Variants in CDH18 observed in about 807,000 individuals in gnomAD.
CDH18 encodes the protein cadherin-18.
In CDH18, 31 loss-of-function variants were observed where a neutral mutation model predicts 67.9. That is an observed-to-expected ratio of 0.46 (90% CI 0.34 to 0.62). The LOEUF is 0.62. Among genes scored for constraint, CDH18 ranks in the 20% least tolerant of loss-of-function variants. The pLI is 0.01. For synonymous variants in CDH18, 362 were observed against 347.2 expected, an observed-to-expected ratio of 1.04 and a Z score of -0.48; for missense variants, 890 against 975.5, an observed-to-expected ratio of 0.91 and a Z score of 1.17.
rs1358646733 is a variant in CDH18 at position 20,231,010 on chromosome 5, C to A, written c.-518+24434G>T. Among the ~76,000 whole-genome samples the A allele has an allele frequency of 1.3e-5, 2 of 152,090 alleles. 1 individual carries two copies. The highest frequency in any genetic ancestry group is 4.1e-4 in the South Asian group (2 of 4,824). ...TTTGCAAGAAGTCTGTCATACAGGG[C>A]CCAACAAGTTATTTGAATTGTATTC... On this transcript the variant is annotated intron_variant, in intron 2 of 14. Coordinates refer to the CDH18 transcript ENST00000507958.
chr5:19,876,628 AT>A (rs1458802268), intron 2 of CDH18, among the ~76,000 whole-genome samples: 1 of 152,028 alleles, frequency 6.6e-6, no homozygotes, highest in Non-Finnish European at 1.5e-5. Context: ...TGCCTTTTAG[AT>A]CCTGACCATT....
intron 10 of CDH18, among the ~76,000 whole-genome samples, chr5:19,512,351 T>C (rs545663203): frequency 2.6e-5 from 4 of 152,292 alleles, no homozygotes; most frequent in Admixed American, 1.3e-4. Context: ...CCATGCTTGG[T>C]TCTTTAAATC....
At chr5:20,572,043 A>T (rs1758848004) in intron 1 of CDH18, among the ~76,000 whole-genome samples, 1 of 152,238 alleles carries the variant, frequency 6.6e-6, no homozygotes, top group Non-Finnish European at 1.5e-5. Flanking sequence ...TTCAAAAGTG[A>T]TAAGGGAAAT....
intron 2 of CDH18, among the ~76,000 whole-genome samples, chr5:19,844,287 G>A (rs1024002162): frequency 3.9e-5 from 6 of 152,106 alleles, no homozygotes; most frequent in African/African-American, 1.4e-4. Flanking sequence ...TTGGGGGAGG[G>A]ACCTCATAGA....
At chr5:19,975,864 A>G (rs925874370) in intron 2 of CDH18, among the ~76,000 whole-genome samples, 1 of 150,428 alleles carries the variant, frequency 6.6e-6, no homozygotes, top group Non-Finnish European at 1.5e-5. Flanking sequence ...CACATCCAGG[A>G]TGCTAATACC....
At chr5:20,233,009 C>T (rs1276031271) in intron 2 of CDH18, among the ~76,000 whole-genome samples, 1 of 151,682 alleles carries the variant, frequency 6.6e-6, no homozygotes, top group Non-Finnish European at 1.5e-5. Flanking sequence ...GAAGTTGAAA[C>T]CTGATTAATC....
At chr5:19,816,294 T>C (rs987228495) in intron 3 of CDH18, among the ~76,000 whole-genome samples, 4 of 151,814 alleles carry the variant, frequency 2.6e-5, no homozygotes, top group Non-Finnish European at 5.9e-5. Context: ...GAGATAAACA[T>C]AGAGTTTCTT....
At chr5:20,106,138 G>A (rs746873628) in intron 2 of CDH18, among the ~76,000 whole-genome samples, 1 of 152,112 alleles carries the variant, frequency 6.6e-6, no homozygotes, top group Non-Finnish European at 1.5e-5. Context: ...GAGAGGTTGT[G>A]TCAACAGTTC....
chr5:19,817,777 T>G (rs541513782), intron 3 of CDH18, among the ~76,000 whole-genome samples: 1 of 152,192 alleles, frequency 6.6e-6, no homozygotes, highest in South Asian at 2.1e-4. Context: ...GAGGTAGACT[T>G]CTTACCCAGG....
chr5:20,293,174 G>A (rs1335712604), intron 1 of CDH18, among the ~76,000 whole-genome samples: 1 of 152,000 alleles, frequency 6.6e-6, no homozygotes, highest in Non-Finnish European at 1.5e-5. Context: ...AAAATTATCC[G>A]AGAGTGGTAG....
chr5:19,475,300 A>T (rs1333343884), intron 12 of CDH18, among the ~76,000 whole-genome samples: 4 of 151,796 alleles, frequency 2.6e-5, no homozygotes. Context: ...TGCATTTGAT[A>T]CACATAATTT....
intron 2 of CDH18, among the ~76,000 whole-genome samples, chr5:20,168,239 T>A (rs1480743278): frequency 6.6e-6 from 1 of 152,140 alleles, no homozygotes; most frequent in Non-Finnish European, 1.5e-5. Flanking sequence ...AAATTAGAAA[T>A]TAATGATGTA....
chr5:19,933,038 C>T (rs1309916832), intron 2 of CDH18, among the ~76,000 whole-genome samples: 1 of 151,304 alleles, frequency 6.6e-6, no homozygotes, highest in African/African-American at 2.4e-5. Context: ...GGTATATATA[C>T]CTAATCATAA....
At chr5:19,573,449 T>A (rs1741798138) in intron 7 of CDH18, among the ~76,000 whole-genome samples, 1 of 152,106 alleles carries the variant, frequency 6.6e-6, no homozygotes, top group Admixed American at 6.5e-5. Flanking sequence ...CGGCTAATTT[T>A]TTGTATTTTT....
At chr5:20,109,957 T>G (rs1264162318) in intron 2 of CDH18, among the ~76,000 whole-genome samples, 1 of 152,222 alleles carries the variant, frequency 6.6e-6, no homozygotes, top group Non-Finnish European at 1.5e-5. Flanking sequence ...TATTGTTCTT[T>G]AATGTTATTG....
At chr5:20,245,363 A>G (rs1743297560) in intron 2 of CDH18, among the ~76,000 whole-genome samples, 2 of 152,260 alleles carry the variant, frequency 1.3e-5, no homozygotes, top group East Asian at 1.9e-4. Flanking sequence ...ATGAAAAACA[A>G]TGTATTTATT....
At chr5:19,851,751 A>ATGTG (rs140494247) in intron 2 of CDH18, among the ~76,000 whole-genome samples, 20 of 149,962 alleles carry the variant, frequency 1.3e-4, no homozygotes, top group African/African-American at 4.4e-4. Context: ...GTGTGTGTGT[A>ATGTG]TGTGTGTGTG....
intron 10 of CDH18, among the ~76,000 whole-genome samples, chr5:19,504,562 CTAGACATTAGT>C (rs1743783505): frequency 6.6e-6 from 1 of 151,896 alleles, no homozygotes; most frequent in Non-Finnish European, 1.5e-5. Flanking sequence ...TATACATTAG[CTAGACATTAGT>C]TACTTAATAC....
At chr5:20,429,203 A>C (rs2150172313) in intron 1 of CDH18, among the ~76,000 whole-genome samples, 1 of 152,256 alleles carries the variant, frequency 6.6e-6, no homozygotes, top group East Asian at 1.9e-4. Context: ...CTGCAGGTTG[A>C]GAAAAGTATG....
Sources: allele counts gnomAD v4.1 joint callset (sites outside exome capture counted in the v4.1 genomes callset), GRCh38; gene constraint gnomAD v4.1.1; transcripts MANE v1.5; gene names NCBI Gene and HGNC (gene_info 2026-07-23, HGNC 2026-07-21).